ACADM: variants seen among roughly 807,000 people sequenced by gnomAD.
ACADM encodes the protein medium-chain specific acyl-CoA dehydrogenase, mitochondrial.
In ACADM, 49 loss-of-function variants were observed where a neutral mutation model predicts 58.9. That is an observed-to-expected ratio of 0.83 (90% CI 0.66 to 1.06). The LOEUF (loss-of-function observed/expected upper bound fraction) is 1.06, where lower values mean the gene tolerates loss of function less well. ACADM is among the 50% of genes least tolerant of loss of function. ACADM has a pLI of 0.00. For missense variants in ACADM, 496 were observed against 507.0 expected (o/e 0.98, Z 0.21); for synonymous variants, 160 against 157.7 (o/e 1.01, Z -0.11).
rs530654401 is a variant in ACADM, at chr1:75,732,442, A to G, written c.119-202A>G. Reference sequence around the variant, plus strand: ...TTTGTAAAAGTTAAAAATCTTACCTATTTCCTTTAGCATTTGTATTGACAT... The same window carrying G: ...TTTGTAAAAGTTAAAAATCTTACCTGTTTCCTTTAGCATTTGTATTGACAT... On this transcript the variant is annotated intron_variant, in intron 2 of 11. Transcript: ENST00000370841. 641 of 582,142 alleles carry G rather than the reference A, an allele frequency of 1.1e-3. 6 individuals carry two copies. The highest frequency in any genetic ancestry group is 4.1e-4 in the Non-Finnish European group (135 of 326,692). 36.1% of individuals were successfully genotyped at this position (582,142 alleles called of 1,614,324 possible). A position where few individuals can be genotyped will look rare whatever the true frequency, so the allele number is the denominator to read the frequency against.
intron 10 of ACADM, among the ~76,000 whole-genome samples, chr1:75,751,349 A>C (rs536031439): frequency 1.7e-3 from 265 of 151,766 alleles, no homozygotes; most frequent in Admixed American, 3.0e-3. Context: ...CAAAAAAGAA[A>C]ATATATATAT....
At chr1:75,735,841 C>CA (rs11421630) in intron 6 of ACADM, among the ~76,000 whole-genome samples, 76,044 of 133,190 alleles carry the variant, frequency 0.57, 20,974 homozygotes, top group East Asian at 0.72. Flanking sequence ...GACTCTGTCT[C>CA]AAAAAAAAAA....
chr1:75,749,300 G>A (rs972854498), intron 8 of ACADM, 119 bp from the exon 9 acceptor site: 4 of 1,002,566 alleles, frequency 4.0e-6, no homozygotes, highest in South Asian at 2.8e-5. Flanking sequence ...AGGCATTGCA[G>A]ACTACAGTTT....
At chr1:75,750,177 TA>T (rs1394921698) in intron 9 of ACADM, among the ~76,000 whole-genome samples, 1 of 152,218 alleles carries the variant, frequency 6.6e-6, no homozygotes, top group East Asian at 1.9e-4. Flanking sequence ...TTTCTGTTTT[TA>T]CTCATTAAGA....
chr1:75,758,772 G>A (rs1180126203), intron 10 of ACADM, among the ~76,000 whole-genome samples: 2 of 152,188 alleles, frequency 1.3e-5, no homozygotes, highest in African/African-American at 2.4e-5. Context: ...CTAGCTAAAG[G>A]ATTGTAAATG....
At chr1:75,734,377 C>T (rs1453189719) in intron 5 of ACADM, among the ~76,000 whole-genome samples, 2 of 149,994 alleles carry the variant, frequency 1.3e-5, no homozygotes, top group Non-Finnish European at 3.0e-5. Context: ...GGGTGTCACC[C>T]TGTTGGCCAG....
chr1:75,728,969 C>T (rs1299776666), intron 2 of ACADM, among the ~76,000 whole-genome samples: 2 of 151,944 alleles, frequency 1.3e-5, no homozygotes, highest in African/African-American at 4.8e-5. Context: ...TTTCCTCTGC[C>T]CTCTATAAAA....
Position 75,728,496 on chromosome 1 carries a change from T to C in ACADM, c.118+8T>C, listed in dbSNP as rs548538699. The C allele has an allele frequency of 1.3e-6, 2 of 1,597,024 alleles. No homozygotes were observed. Among genetic ancestry groups the C allele is most frequent in the Non-Finnish European group, 1.7e-6 (2 of 1,164,854 alleles). ...GATTAGGATTTAGTTTTGGTATATG[T>C]TCGGTTCTATCTTTTGACTTTAAAC... On this transcript the variant is annotated splice_region_variant and intron_variant, in intron 2 of 11. Transcript: ENST00000370841.
chr1:75,762,644 T>C, intron 11 of ACADM, 48 bp from the exon 12 acceptor site: 3 of 1,161,874 alleles, frequency 2.6e-6, no homozygotes, highest in Non-Finnish European at 3.9e-6. Flanking sequence ...TAAATCAAAG[T>C]ATTTATGTAC....
At chr1:75,761,094 C>T (rs1648816901) in intron 10 of ACADM, 28 bp from the exon 11 acceptor site, 1 of 1,600,994 alleles carries the variant, frequency 6.2e-7, no homozygotes, top group Non-Finnish European at 8.5e-7. Context: ...CAATAAATAT[C>T]CTTTAATTTT....
At chr1:75,734,759 C>G in intron 5 of ACADM, 32 bp from the exon 6 acceptor site, 1 of 1,525,676 alleles carries the variant, frequency 6.6e-7, no homozygotes, top group Non-Finnish European at 9.1e-7. Flanking sequence ...ATAAAAATGA[C>G]TTGATTTTTT....
intron 2 of ACADM, among the ~76,000 whole-genome samples, chr1:75,731,906 C>T (rs958972079): frequency 5.3e-5 from 8 of 152,122 alleles, no homozygotes; most frequent in Non-Finnish European, 1.2e-4. Flanking sequence ...GCTCCCAGCA[C>T]TTTGGGAGGC....
intron 1 of ACADM, among the ~76,000 whole-genome samples, chr1:75,726,380 AG>A (rs1451624973): frequency 2.0e-5 from 3 of 150,780 alleles, no homozygotes; most frequent in African/African-American, 4.9e-5. Context: ...AAAAAAAAAA[AG>A]TCCCTCAGTA....
intron 6 of ACADM, among the ~76,000 whole-genome samples, chr1:75,736,560 A>G (rs889858369): frequency 3.3e-5 from 5 of 152,100 alleles, no homozygotes; most frequent in Non-Finnish European, 5.9e-5. Context: ...AGCTCTCCAT[A>G]TCCATGAGGG....
chr1:75,736,204 A>ACG (rs1553123391), intron 6 of ACADM, among the ~76,000 whole-genome samples: 2 of 150,614 alleles, frequency 1.3e-5, no homozygotes, highest in South Asian at 2.1e-4. Flanking sequence ...ACACACACAC[A>ACG]CGCTCTATTC....
chr1:75,725,590 TA>T (rs1220092344), intron 1 of ACADM, among the ~76,000 whole-genome samples: 2 of 152,094 alleles, frequency 1.3e-5, no homozygotes, highest in African/African-American at 2.4e-5. Flanking sequence ...AGGAAGGATC[TA>T]AAAAAAACCT....
chr1:75,747,603 T>C (rs1387635123), intron 8 of ACADM, among the ~76,000 whole-genome samples: 1 of 152,110 alleles, frequency 6.6e-6, no homozygotes, highest in Non-Finnish European at 1.5e-5. Flanking sequence ...CTGGGCAACA[T>C]ATTGAGACTT....
intron 2 of ACADM, among the ~76,000 whole-genome samples, chr1:75,730,131 G>A (rs1647125718): frequency 1.3e-5 from 2 of 151,972 alleles, no homozygotes; most frequent in Admixed American, 1.3e-4. Flanking sequence ...CTGGCCTCAA[G>A]TGATCCACCC....
chr1:75,752,174 G>T (rs937029036), intron 10 of ACADM, among the ~76,000 whole-genome samples: 3 of 151,852 alleles, frequency 2.0e-5, no homozygotes, highest in East Asian at 3.9e-4. Context: ...TAGAGATGAG[G>T]TCTCACTATG....
Sources: gnomAD v4.1 joint callset for allele counts (sites outside exome capture counted in the v4.1 genomes callset) on GRCh38, gnomAD v4.1.1 for gene constraint, MANE v1.5 for transcripts, NCBI Gene and HGNC (gene_info 2026-07-23, HGNC 2026-07-21) for gene names.